The following SORCS1 variants were observed in gnomAD, a reference collection of about 807,000 sequenced individuals.
The protein encoded by SORCS1 is sortilin related VPS10 domain containing receptor 1.
In SORCS1, 60 loss-of-function variants were observed where a neutral mutation model predicts 146.1. The observed-to-expected ratio is 0.41, with a 90% CI of 0.33 to 0.51. The LOEUF (loss-of-function observed/expected upper bound fraction) is 0.51. Ranked by LOEUF, SORCS1 falls within the 20% of genes least tolerant of loss-of-function variation. The probability of loss-of-function intolerance (pLI) is 0.21; values close to 1 mark genes in which losing one functional copy is unlikely to be tolerated. For missense variants in SORCS1, 1,352 were observed against 1,487.6 expected, an observed-to-expected ratio of 0.91 and a Z score of 1.50; for synonymous variants, 637 against 584.0, an observed-to-expected ratio of 1.09 and a Z score of -1.31.
rs1380052706 is a variant in SORCS1, at chr10:106,699,322, C to T, written c.1305G>A (p.Thr435=). The T allele has an allele frequency of 4.3e-6, 7 of 1,613,962 alleles. No homozygotes were observed. The highest frequency in any genetic ancestry group is 3.3e-5 in the Admixed American group (2 of 60,012). The change falls in exon 9 of 26, where the codon ACG becomes ACA. Residue 435 remains threonine, a synonymous_variant. Transcript: ENST00000263054. ...AAVQEWNQND[T]YNLYISDTRG... ...GTGTGTCTGAGATGTAGAGGTTGTA[C>T]GTGTCATTCTGGTTCCATTCTTGGA...
intron 3 of SORCS1, among the ~76,000 whole-genome samples, chr10:106,796,880 C>T (rs764002631): frequency 2.0e-5 from 3 of 152,162 alleles, no homozygotes; most frequent in East Asian, 1.9e-4. Flanking sequence ...GAGGCCAAGG[C>T]GGATGGATTA....
chr10:107,088,464 C>G (rs560911805), intron 1 of SORCS1, among the ~76,000 whole-genome samples: 1 of 152,272 alleles, frequency 6.6e-6, no homozygotes, highest in Admixed American at 6.5e-5. Flanking sequence ...GGCAGGCACT[C>G]TCTGTCTGAT....
At chr10:106,954,369 T>TGAAGGGTTACAGAATTGAAG (rs756892300) in intron 2 of SORCS1, among the ~76,000 whole-genome samples, 31 of 152,298 alleles carry the variant, frequency 2.0e-4, no homozygotes, top group South Asian at 4.1e-4. Flanking sequence ...GAGATTCTGA[T>TGAAGGGTTACAGAATTGAAG]GAAGGGTTAC....
intron 24 of SORCS1, among the ~76,000 whole-genome samples, chr10:106,590,937 G>A (rs1845566786): frequency 6.6e-6 from 1 of 152,194 alleles, no homozygotes; most frequent in Non-Finnish European, 1.5e-5. Context: ...TTACAGGCAT[G>A]AGCCAGTGCA....
intron 2 of SORCS1, among the ~76,000 whole-genome samples, chr10:106,842,317 G>T (rs1223175386): frequency 1.3e-5 from 2 of 151,472 alleles, no homozygotes; most frequent in Non-Finnish European, 2.9e-5. Context: ...CACTGCAACC[G>T]CCATTTCCCA....
chr10:106,771,186 G>C (rs1859996005), intron 4 of SORCS1, among the ~76,000 whole-genome samples: 3 of 151,954 alleles, frequency 2.0e-5, no homozygotes, highest in Admixed American at 6.6e-5. Context: ...CAGCAAAGCT[G>C]AGGTATACAC....
chr10:106,771,398 A>T (rs780160567), intron 4 of SORCS1, among the ~76,000 whole-genome samples: 14 of 152,178 alleles, frequency 9.2e-5, no homozygotes, highest in Non-Finnish European at 1.5e-4. Context: ...TAAAGATGTA[A>T]TCTGGCAGGC....
rs576650513 is a variant in SORCS1 at position 106,941,554 on chromosome 10, A to C, written c.626+14959T>G. 2.0e-5 allele frequency among the ~76,000 whole-genome samples: 3 copies of C among 152,354 alleles called. No individual in the cohort carries two copies. The East Asian group carries it at 5.8e-4, about 29-fold the overall frequency. Reference sequence around the variant, plus strand: ...CCTTGGCAGAACCTATAAGTAGTTCACCGTGGCTAGAACACACAATACCCT... The same window carrying C: ...CCTTGGCAGAACCTATAAGTAGTTCCCCGTGGCTAGAACACACAATACCCT... On this transcript the variant is annotated intron_variant, in intron 2 of 25. Transcript: ENST00000263054.
chr10:106,892,690 T>C (rs1406289697), intron 2 of SORCS1, among the ~76,000 whole-genome samples: 3 of 152,184 alleles, frequency 2.0e-5, no homozygotes, highest in East Asian at 1.9e-4. Flanking sequence ...CCAGAGTTCA[T>C]AGTGTGTAGT....
At chr10:106,869,281 A>C (rs1950323945) in intron 2 of SORCS1, among the ~76,000 whole-genome samples, 1 of 152,216 alleles carries the variant, frequency 6.6e-6, no homozygotes, top group Non-Finnish European at 1.5e-5. Flanking sequence ...AGCTGGTACC[A>C]TTCTTACTGA....
chr10:107,017,592 ATCT>A (rs1957951735), intron 1 of SORCS1, among the ~76,000 whole-genome samples: 2 of 152,310 alleles, frequency 1.3e-5, no homozygotes, highest in South Asian at 4.1e-4. Flanking sequence ...TCACTCTCTG[ATCT>A]TCTATTGCCT....
intron 1 of SORCS1, among the ~76,000 whole-genome samples, chr10:107,080,434 C>A (rs1452412896): frequency 6.6e-6 from 1 of 152,186 alleles, no homozygotes; most frequent in Non-Finnish European, 1.5e-5. Context: ...AATTTAAAGA[C>A]AATTTTTGTC....
At chr10:107,006,295 C>A (rs764638013) in intron 1 of SORCS1, among the ~76,000 whole-genome samples, 2 of 151,650 alleles carry the variant, frequency 1.3e-5, no homozygotes, top group African/African-American at 4.9e-5. Flanking sequence ...TAGCACCTGA[C>A]AGGTACTAGA....
At chr10:107,071,579 T>C (rs1962429994) in intron 1 of SORCS1, among the ~76,000 whole-genome samples, 1 of 152,200 alleles carries the variant, frequency 6.6e-6, no homozygotes, top group Non-Finnish European at 1.5e-5. Context: ...CTTTGTTGAA[T>C]TGTCACTGGG....
chr10:106,827,277 A>G (rs1022420075), intron 3 of SORCS1, among the ~76,000 whole-genome samples: 1 of 147,066 alleles, frequency 6.8e-6, no homozygotes, highest in Non-Finnish European at 1.5e-5. Flanking sequence ...GATTACTCTG[A>G]GGTCTCTTCC....
At chr10:106,884,023 T>C (rs1004860432) in intron 2 of SORCS1, among the ~76,000 whole-genome samples, 9 of 152,302 alleles carry the variant, frequency 5.9e-5, no homozygotes, top group African/African-American at 1.4e-4. Flanking sequence ...CCTTAATATA[T>C]ATCTACAACC....
intron 18 of SORCS1, among the ~76,000 whole-genome samples, chr10:106,634,676 CCTCT>C (rs1335363939): frequency 6.6e-6 from 1 of 152,114 alleles, no homozygotes; most frequent in Non-Finnish European, 1.5e-5. Flanking sequence ...ACTCTCTTTT[CCTCT>C]CTAACGATGA....
intron 2 of SORCS1, among the ~76,000 whole-genome samples, chr10:106,903,172 T>C (rs538504626): frequency 1.2e-4 from 18 of 152,352 alleles, no homozygotes; most frequent in African/African-American, 4.1e-4. Flanking sequence ...GGAGGGTTCA[T>C]GCTTCCTTTC....
rs201181138 is a variant in SORCS1 at position 106,666,546 on chromosome 10, ATC to A, written c.2303+1141_2303+1142del. Among the ~76,000 whole-genome samples, 137 of 147,940 alleles carry A rather than the reference ATC, an allele frequency of 9.3e-4. 2 individuals carry two copies. The highest frequency in any genetic ancestry group is 3.3e-3 in the African/African-American group (131 of 39,644). On this transcript the variant is annotated intron_variant, in intron 17 of 25. Transcript: ENST00000263054. ...CGAATGAGCCAATTCTTTACAATAA[ATC>A]TCTCTCTTTTTTTTTTTTTTTTTCT...
Sources: allele counts gnomAD v4.1 joint callset (sites outside exome capture counted in the v4.1 genomes callset), GRCh38; gene constraint gnomAD v4.1.1; transcripts MANE v1.5; gene names NCBI Gene and HGNC (gene_info 2026-07-23, HGNC 2026-07-21).